The following ARPC1B variants were observed in gnomAD, a reference collection of about 807,000 sequenced individuals.
ARPC1B encodes actin related protein 2/3 complex subunit 1B, also known as actin-related protein 2/3 complex subunit 1B.
A neutral mutation model predicts 46.0 loss-of-function variants in ARPC1B; 29 were observed. The observed-to-expected ratio is 0.63, with a 90% CI of 0.47 to 0.86. The LOEUF is 0.86. ARPC1B is among the 40% of genes least tolerant of loss of function. The probability of loss-of-function intolerance (pLI) is 0.00; values close to 1 mark genes in which losing one functional copy is unlikely to be tolerated. For missense variants in ARPC1B, 469 were observed against 529.4 expected (o/e 0.89, Z 1.12); for synonymous variants, 201 against 213.9 (o/e 0.94, Z 0.53).
Position 99,394,643 on chromosome 7 carries a change from C to T in ARPC1B, c.*154C>T. 1 of 1,409,500 alleles carries T rather than the reference C, an allele frequency of 7.1e-7. No homozygotes were observed. Among genetic ancestry groups the T allele is most frequent in the Non-Finnish European group, 9.2e-7 (1 of 1,083,844 alleles). The allele number at this position is 1,409,500 out of a possible 1,614,324, so 87.3% of individuals were successfully genotyped here. ...AAAAAGGGAGGGGACAGATGGGGAG[C>T]TTTTCTTACCTATTCAAGGAATACG... On this transcript the variant is annotated 3_prime_UTR_variant, in exon 10 of 10. Transcript: ENST00000646101.
At chr7:99,388,807 A>AT (rs1482671635) in intron 4 of ARPC1B, 1 of 152,422 alleles carries the variant, frequency 6.6e-6, no homozygotes, top group Non-Finnish European at 1.5e-5. Context: ...TAATTTTTAT[A>AT]TTTTTAGTAG....
At position 99,386,697 on chromosome 7, in the gene ARPC1B, G is replaced by C. The variant is rs139034924; in HGVS notation, c.77G>C (p.Cys26Ser). The change falls in exon 3 of 10, where the codon TGC becomes TCC. Residue 26 changes from cysteine (C) to serine (S), a missense_variant. Cys to Ser is a moderately radical substitution (Grantham distance 112, BLOSUM62 -1). Transcript: ENST00000646101. ...WNKDRTQIAI[C>S]PNNHEVHIYE... is the part of the protein sequence containing the mutation. Reference sequence around the variant, plus strand: ...ATCTCCCCTTCAGAGATTGCCATCTGCCCCAACAACCATGAGGTGCATATC... The same window carrying C: ...ATCTCCCCTTCAGAGATTGCCATCTCCCCCAACAACCATGAGGTGCATATC... 6 of 1,613,828 alleles carry C rather than the reference G, an allele frequency of 3.7e-6. 1 individual carries two copies. The Admixed American group carries it at 5.0e-5, about 13-fold the overall frequency.
In ARPC1B at chr7:99,392,874, C is replaced by T. The variant is rs765986053; in HGVS notation, c.987C>T (p.Val329=). 2.6e-6 allele frequency: 4 copies of T among 1,536,666 alleles called. No homozygotes were observed. In the African/African-American group the frequency reaches 4.1e-5, roughly 16 times the overall value. ...TAGACTCGCTGCACAAGAACAGCGT[C>T]AGGTGAGAGCGGGAGCCGGGCCGGC... ...AGLDSLHKNS[V]SQISVLSGGK... The change falls in exon 8 of 10, where the codon GTC becomes GTT. Residue 329 remains valine, a splice_region_variant and synonymous_variant. Coordinates refer to ENST00000646101, the MANE Select transcript of ARPC1B (RefSeq NM_005720.4).
At chr7:99,377,684 C>T (rs1334958798) in intron 1 of ARPC1B, among the ~76,000 whole-genome samples, 1 of 150,898 alleles carries the variant, frequency 6.6e-6, no homozygotes, top group Non-Finnish European at 1.5e-5. Context: ...GCCCAGGCTG[C>T]AGTGCAGTGG....
intron 2 of ARPC1B, 69 bp downstream of exon 2, chr7:99,385,847 C>A (rs1386838927): frequency 2.0e-6 from 3 of 1,494,584 alleles, no homozygotes; most frequent in Non-Finnish European, 2.7e-6. Context: ...CCAGAGCACA[C>A]ATGGGGACTC....
chr7:99,391,261 A>G lies in ARPC1B; in HGVS notation c.783+8A>G. Reference sequence around the variant, plus strand: ...AACAGCCTGGTGGCAGCGGTGAGGAATAGGGAGGGGAGGGAGGGTGTGTGG... The same window carrying G: ...AACAGCCTGGTGGCAGCGGTGAGGAGTAGGGAGGGGAGGGAGGGTGTGTGG... On this transcript the variant is annotated splice_region_variant and intron_variant, in intron 7 of 9. Coordinates refer to ENST00000646101, the MANE Select transcript of ARPC1B (RefSeq NM_005720.4). 1.2e-6 allele frequency: 2 copies of G among 1,612,478 alleles called. No individual in the cohort carries two copies. The highest frequency in any genetic ancestry group is 1.7e-6 in the Non-Finnish European group (2 of 1,178,912).
chr7:99,381,768 G>C (rs1484856932), intron 1 of ARPC1B, among the ~76,000 whole-genome samples: 1 of 152,220 alleles, frequency 6.6e-6, no homozygotes, highest in African/African-American at 2.4e-5. Flanking sequence ...GCTGGTCACT[G>C]AGCCCTGTGG....
intron 9 of ARPC1B, 110 bp downstream of exon 9, chr7:99,394,229 T>G: frequency 7.8e-7 from 1 of 1,279,436 alleles, no homozygotes; most frequent in African/African-American, 1.5e-5. Context: ...GAGATGGCAC[T>G]GCATGGGGAT....
chr7:99,375,986 CG>C (rs1318080451), intron 1 of ARPC1B, among the ~76,000 whole-genome samples: 1 of 148,874 alleles, frequency 6.7e-6, no homozygotes, highest in African/African-American at 2.5e-5. Flanking sequence ...TGCTTGAACC[CG>C]GGAGGCAGAG....
At chr7:99,380,790 CTG>C (rs1437023286) in intron 1 of ARPC1B, among the ~76,000 whole-genome samples, 1 of 152,172 alleles carries the variant, frequency 6.6e-6, no homozygotes, top group East Asian at 1.9e-4. Flanking sequence ...GGTTCTGAGT[CTG>C]GGCTCTCCCA....
intron 1 of ARPC1B, among the ~76,000 whole-genome samples, chr7:99,382,992 G>T (rs1369822614): frequency 6.6e-6 from 1 of 151,468 alleles, no homozygotes; most frequent in Non-Finnish European, 1.5e-5. Context: ...CTACAGGTGT[G>T]CGCCACCACG....
intron 2 of ARPC1B, chr7:99,386,286 G>A (rs1182589757): frequency 2.7e-5 from 10 of 366,148 alleles, no homozygotes; most frequent in Non-Finnish European, 4.7e-5. Context: ...GAAAGAAAAA[G>A]TGACCAAGAA....
At chr7:99,383,235 G>A (rs931964820) in intron 1 of ARPC1B, among the ~76,000 whole-genome samples, 1 of 152,084 alleles carries the variant, frequency 6.6e-6, no homozygotes. Context: ...GCAGAGGCAG[G>A]AGGATCACTT....
In ARPC1B at chr7:99,390,991, G is replaced by A. The variant is rs138962515; in HGVS notation, c.599G>A (p.Ser200Asn). 1.5e-5 allele frequency: 24 copies of A among 1,613,930 alleles called. No homozygotes were observed. In the African/African-American group the frequency reaches 2.5e-4, roughly 17 times the overall value. Residue 200 changes from serine (S) to asparagine (N), a missense_variant, in exon 6 of 10, where the codon AGT becomes AAT. Ser to Asn is a conservative substitution (Grantham distance 46, BLOSUM62 1). Coordinates refer to ENST00000646101, the MANE Select transcript of ARPC1B (RefSeq NM_005720.4). ...PFGELMFESS[S>N]SCGWVHGVCF... ...GGGGAACTGATGTTCGAATCCAGCA[G>A]TAGCTGCGGCTGGGTACATGGCGTC...
intron 1 of ARPC1B, chr7:99,376,513 A>G (rs1794033586): frequency 1.3e-5 from 2 of 152,208 alleles, no homozygotes; most frequent in African/African-American, 4.8e-5. Flanking sequence ...GTAGAAGCCG[A>G]GTGACTTTGA....
intron 3 of ARPC1B, among the ~76,000 whole-genome samples, chr7:99,387,027 T>A (rs1794411011): frequency 6.6e-6 from 1 of 152,278 alleles, no homozygotes; most frequent in African/African-American, 2.4e-5. Context: ...ACCCATCTTT[T>A]CTGCCTCTTG....
intron 5 of ARPC1B, 112 bp from the exon 6 acceptor site, chr7:99,390,781 T>G: frequency 1.1e-6 from 1 of 903,384 alleles, no homozygotes; most frequent in Non-Finnish European, 1.7e-6. Flanking sequence ...CACTGCAGCC[T>G]TGACCTCCTG....
intron 1 of ARPC1B, among the ~76,000 whole-genome samples, chr7:99,378,775 T>TTTC (rs1794110550): frequency 1.4e-5 from 1 of 70,538 alleles, no homozygotes; most frequent in African/African-American, 3.5e-4. Context: ...TTTCTTTTTC[T>TTTC]TTTTTTTTTT....
intron 1 of ARPC1B, among the ~76,000 whole-genome samples, chr7:99,384,959 T>C (rs1461502165): frequency 8.6e-6 from 1 of 115,942 alleles, no homozygotes; most frequent in South Asian, 3.3e-4. Flanking sequence ...GGCTAATTTT[T>C]TTTTTTTTTT....
Sources: allele counts gnomAD v4.1 joint callset (sites outside exome capture counted in the v4.1 genomes callset), GRCh38; gene constraint gnomAD v4.1.1; transcripts MANE v1.5; gene names NCBI Gene and HGNC (gene_info 2026-07-23, HGNC 2026-07-21).